Variants in PATJ observed in about 807,000 individuals in gnomAD.
PATJ encodes PATJ crumbs cell polarity complex component.
Under a neutral mutation model 224.9 loss-of-function variants are expected in PATJ, and 190 were observed. That is an observed-to-expected ratio of 0.84 (90% CI 0.75 to 0.95). The LOEUF is 0.95. Among genes scored for constraint, PATJ ranks in the 40% least tolerant of loss-of-function variants. PATJ has a pLI of 0.00. For missense variants in PATJ, 2,121 were observed against 2,270.3 expected (o/e 0.93, Z 1.34); for synonymous variants, 769 against 820.3 (o/e 0.94, Z 1.07).
At chr1:62,137,765 G>A (rs1038375979) in intron 41 of PATJ, among the ~76,000 whole-genome samples, 15 of 152,152 alleles carry the variant, frequency 9.9e-5, no homozygotes, top group African/African-American at 2.9e-4. Flanking sequence ...TAACTGTTCC[G>A]TAGGCGCAGA....
At chr1:61,854,497 T>C (rs1409490964) in intron 17 of PATJ, among the ~76,000 whole-genome samples, 1 of 152,198 alleles carries the variant, frequency 6.6e-6, no homozygotes, top group African/African-American at 2.4e-5. Context: ...TTCTTCTCAA[T>C]TTACAACTCT....
intron 43 of PATJ, among the ~76,000 whole-genome samples, chr1:62,160,557 C>A (rs953453802): frequency 2.0e-5 from 3 of 152,068 alleles, no homozygotes; most frequent in Non-Finnish European, 4.4e-5. Flanking sequence ...TTCTATCTGC[C>A]TTTTTCTGTA....
chr1:62,074,371 A>T (rs191948424), intron 31 of PATJ, among the ~76,000 whole-genome samples: 56 of 149,828 alleles, frequency 3.7e-4, no homozygotes, highest in Admixed American at 9.3e-4. Flanking sequence ...AATAAAATTA[A>T]AAAAAAAATA....
intron 27 of PATJ, among the ~76,000 whole-genome samples, chr1:61,935,984 T>G (rs1676805371): frequency 6.6e-6 from 1 of 152,076 alleles, no homozygotes; most frequent in Admixed American, 6.6e-5. Flanking sequence ...TTTTTTAAGC[T>G]TAGAAGGGAT....
In PATJ at chr1:61,766,267, TC is replaced by T; in HGVS notation, c.190-11del. On this transcript the variant is annotated splice_polypyrimidine_tract_variant and intron_variant, in intron 3 of 43. Transcript: ENST00000642238. ...TAGATTTCTGTTGATTCTTTTTTTT[TC>T]TCTCCAACAGCTCAACCATATACCC... The T allele has an allele frequency of 6.4e-7, 1 of 1,550,554 alleles. No homozygotes were observed. The highest frequency in any genetic ancestry group is 8.7e-7 in the Non-Finnish European group (1 of 1,152,704).
chr1:62,035,599 A>T (rs904915450), intron 29 of PATJ, among the ~76,000 whole-genome samples: 1 of 109,276 alleles, frequency 9.2e-6, no homozygotes, highest in African/African-American at 3.5e-5. Flanking sequence ...ACCCCAACCC[A>T]CCCCACCATT....
chr1:61,833,813 C>T, intron 17 of PATJ, 28 bp downstream of exon 17: 1 of 1,593,518 alleles, frequency 6.3e-7, no homozygotes, highest in South Asian at 1.1e-5. Context: ...GAGGTGTTTT[C>T]TTTGGAGTGA....
chr1:62,130,685 AC>A (rs1302688653), intron 41 of PATJ, among the ~76,000 whole-genome samples: 1 of 151,880 alleles, frequency 6.6e-6, no homozygotes, highest in Non-Finnish European at 1.5e-5. Flanking sequence ...CCCCATCTCT[AC>A]TAAAAATACA....
chr1:61,952,136 C>T, intron 27 of PATJ: 2 of 444,912 alleles, frequency 4.5e-6, no homozygotes, highest in South Asian at 1.1e-4. Context: ...TTCCAGGCAG[C>T]TTTCACCTGC....
At position 62,153,424 on chromosome 1, in the gene PATJ, G is replaced by A; in HGVS notation, c.5445G>A (p.Gly1815=). 1 of 1,231,518 alleles carries A rather than the reference G, an allele frequency of 8.1e-7. No homozygotes were observed. The highest frequency in any genetic ancestry group is 1.0e-6 in the Non-Finnish European group (1 of 987,430). The allele number at this position is 1,231,518 out of a possible 1,614,324, so 76.3% of individuals were successfully genotyped here. A position where few individuals can be genotyped will look rare whatever the true frequency, so the allele number is the denominator to read the frequency against. Residue 1815 remains glycine, a synonymous_variant, in exon 43 of 44, where the codon GGG becomes GGA. Transcript: ENST00000642238. ...AAGGCTTGGGGTTTAGTATTGTAGG[G>A]GGTTATGGAAGTCCCCATGGAGACC... ...GSEGLGFSIV[G]GYGSPHGDLP...
In PATJ at chr1:62,018,037, C is replaced by G. The variant is rs1476920224; in HGVS notation, c.3959+90C>G. The G allele has an allele frequency of 2.9e-6, 2 of 695,600 alleles. No homozygotes were observed. Among genetic ancestry groups the G allele is most frequent in the Non-Finnish European group, 5.3e-6 (2 of 376,864 alleles). 43.1% of individuals were successfully genotyped at this position (695,600 alleles called of 1,614,324 possible). On this transcript the variant is annotated intron_variant, in intron 29 of 43. Coordinates refer to ENST00000642238, the MANE Select transcript of PATJ (RefSeq NM_001350145.3). The surrounding 1 kb of genome is among the most constrained non-coding windows in gnomAD (Gnocchi z 4.2). ...ACTATGTCATCTTTGATTTGTCTAG[C>G]GAAATCACTGTTCCTTCTAAAAACA...
intron 27 of PATJ, among the ~76,000 whole-genome samples, chr1:61,937,555 T>TA (rs1206979969): frequency 6.6e-6 from 1 of 151,388 alleles, no homozygotes; most frequent in Admixed American, 6.6e-5. Context: ...GAATAGTCTT[T>TA]AAAAAAAATA....
chr1:61,769,417 A>G lies in PATJ; in HGVS notation c.519A>G (p.Ala173=). The change falls in exon 5 of 44, where the codon GCA becomes GCG. Residue 173 remains alanine (A), a synonymous_variant. Coordinates refer to ENST00000642238, the MANE Select transcript of PATJ (RefSeq NM_001350145.3). ...AGGATGTCCAGCCAGGGAGTGTAGCAGACAGGTGAGGAAGCTGTTTATTTT... is the reference window on the plus strand; with the variant it reads ...AGGATGTCCAGCCAGGGAGTGTAGCGGACAGGTGAGGAAGCTGTTTATTTT... The part of the protein sequence containing the change: ...FVKDVQPGSV[A]DRDQRLKEND... 7 of 1,613,186 alleles carry G rather than the reference A, an allele frequency of 4.3e-6. No homozygotes were observed. The highest frequency in any genetic ancestry group is 1.7e-5 in the Admixed American group (1 of 59,764).
chr1:61,984,750 A>T (rs1252408633), intron 27 of PATJ, among the ~76,000 whole-genome samples: 1 of 151,996 alleles, frequency 6.6e-6, no homozygotes, highest in Non-Finnish European at 1.5e-5. Flanking sequence ...ATATTTGCAG[A>T]TATTAGTTGT....
rs746183648 is a variant in PATJ, at chr1:61,795,557, C to CT, written c.1260dup (p.Val421CysfsTer13). 4.4e-6 allele frequency: 7 copies of CT among 1,588,164 alleles called. No homozygotes were observed. Among genetic ancestry groups the CT allele is most frequent in the Non-Finnish European group, 6.0e-6 (7 of 1,157,820 alleles). On this transcript the variant is annotated frameshift_variant and splice_region_variant, in exon 10 of 44. Transcript: ENST00000642238. LOFTEE classifies it high-confidence loss of function. ...ATTCAAGTGAATGACAAAATAGTTG[C>CT]TGTAAGTAACTCGCCTCTGTTTTAG...
rs1296266597 is a variant in PATJ at position 62,163,552 on chromosome 1, AGTAAAAGTATATTG to A, written c.*2499_*2512del. ...ATACATTATCCTTTTAGGTCGTGCT[AGTAAAAGTATATTG>A]ATGAAGGAATTATGATGCTTTATAC... On this transcript the variant is annotated 3_prime_UTR_variant, in exon 44 of 44. Transcript: ENST00000642238. 25 of 152,758 alleles carry A rather than the reference AGTAAAAGTATATTG, an allele frequency of 1.6e-4. No homozygotes were observed. The highest frequency in any genetic ancestry group is 6.0e-4 in the African/African-American group (25 of 41,570). The allele number at this position is 152,758 out of a possible 1,614,324, so 9.5% of individuals were successfully genotyped here. A position where few individuals can be genotyped will look rare whatever the true frequency, so the allele number is the denominator to read the frequency against.
At chr1:61,938,859 T>G (rs1416203208) in intron 27 of PATJ, among the ~76,000 whole-genome samples, 1 of 152,156 alleles carries the variant, frequency 6.6e-6, no homozygotes, top group Non-Finnish European at 1.5e-5. Context: ...TGATCGACTG[T>G]GTACTCATTT....
In PATJ at chr1:62,089,735, C is replaced by T. The variant is rs527632321; in HGVS notation, c.4377+5087C>T. On this transcript the variant is annotated intron_variant, in intron 33 of 43. Transcript: ENST00000642238. ...GCAACCTAACTGATACCATAGGTCA[C>T]ATTTTCCAGTCAGGTCTTGGGATGG... Among the ~76,000 whole-genome samples the T allele has an allele frequency of 6.1e-4, 93 of 152,032 alleles. 1 individual carries two copies. In the South Asian group the frequency reaches 0.015, roughly 25 times the overall value.
chr1:61,803,518 C>T (rs143707229), intron 12 of PATJ, among the ~76,000 whole-genome samples: 21 of 152,004 alleles, frequency 1.4e-4, no homozygotes, highest in Non-Finnish European at 2.4e-4. Flanking sequence ...CTTGCTAAAA[C>T]GAAAACCGGT....
Sources: gnomAD v4.1 joint callset for allele counts (sites outside exome capture counted in the v4.1 genomes callset) on GRCh38, gnomAD v4.1.1 for gene constraint, Gnocchi (gnomAD v3.1) non-coding constraint, MANE v1.5 for transcripts, NCBI Gene and HGNC (gene_info 2026-07-23, HGNC 2026-07-21) for gene names.